Variants in SRRM4 observed in about 807,000 individuals in gnomAD.
The protein encoded by SRRM4 is serine/arginine repetitive matrix 4, also known as serine/arginine repetitive matrix protein 4.
Under a neutral mutation model 68.9 loss-of-function variants are expected in SRRM4, and 33 were observed. The ratio of observed to expected loss-of-function variants is 0.48; its 90% CI spans 0.36 to 0.64. The LOEUF is 0.64. Ranked by LOEUF, SRRM4 falls within the 30% of genes least tolerant of loss-of-function variation. The pLI is 0.00. For synonymous variants in SRRM4, 318 were observed against 318.8 expected, an observed-to-expected ratio of 1.00 and a Z score of 0.03; for missense variants, 817 against 827.1, an observed-to-expected ratio of 0.99 and a Z score of 0.15.
chr12:119,020,318 C>T (rs1404500380), intron 1 of SRRM4, among the ~76,000 whole-genome samples: 1 of 152,100 alleles, frequency 6.6e-6, no homozygotes, highest in Admixed American at 6.5e-5. Flanking sequence ...ACCCAACATA[C>T]ACAGACCCTC....
rs750188540 is a variant in SRRM4, at chr12:119,156,636, C to T, written c.1674C>T (p.Ser558=). ...CCCGGAGCCGGAGTCGGAGCCGGAG[C>T]CGGAGACGGAGCCGGACCCGCACGA... The part of the protein sequence containing the change: ...SYSRSRSRSR[S]RRRSRTRTSS... Residue 558 remains serine, a synonymous_variant, in exon 13 of 13, where the codon AGC becomes AGT. Transcript: ENST00000267260. 6.3e-7 allele frequency: 1 copy of T among 1,597,640 alleles called. No individual in the cohort carries two copies. The highest frequency in any genetic ancestry group is 8.5e-7 in the Non-Finnish European group (1 of 1,173,722).
At chr12:119,101,706 G>T (rs73213726) in intron 1 of SRRM4, among the ~76,000 whole-genome samples, 12,286 of 152,038 alleles carry the variant, frequency 0.081, 554 homozygotes, top group African/African-American at 0.11. Context: ...TCTACATATA[G>T]GTAGTCCATA....
At chr12:119,102,502 A>G (rs1476805245) in intron 2 of SRRM4, 120 bp downstream of exon 2, 2 of 763,844 alleles carry the variant, frequency 2.6e-6, no homozygotes, top group Admixed American at 6.0e-5. Context: ...AGGGTTAGTA[A>G]ATATTTACCG....
At chr12:119,127,726 C>T (rs1954270308) in intron 7 of SRRM4, among the ~76,000 whole-genome samples, 1 of 61,594 alleles carries the variant, frequency 1.6e-5, no homozygotes. Flanking sequence ...GAAAGTCTGT[C>T]TCAAAAAAAA....
At chr12:119,107,618 A>G (rs1474763754) in intron 2 of SRRM4, among the ~76,000 whole-genome samples, 1 of 152,154 alleles carries the variant, frequency 6.6e-6, no homozygotes, top group Non-Finnish European at 1.5e-5. Flanking sequence ...GAGTGTTTAT[A>G]GTATTCTCTG....
intron 4 of SRRM4, among the ~76,000 whole-genome samples, chr12:119,118,139 T>C (rs1954193200): frequency 1.3e-5 from 2 of 152,208 alleles, no homozygotes; most frequent in African/African-American, 2.4e-5. Context: ...AGTGCTCCAG[T>C]TGGCCTTAGG....
intron 1 of SRRM4, among the ~76,000 whole-genome samples, chr12:119,077,533 T>G (rs1953923839): frequency 6.6e-6 from 1 of 152,200 alleles, no homozygotes; most frequent in South Asian, 2.1e-4. Context: ...CATATTAGCT[T>G]AGCACAGTGC....
At chr12:118,984,864 C>T (rs1953272454) in intron 1 of SRRM4, among the ~76,000 whole-genome samples, 1 of 152,174 alleles carries the variant, frequency 6.6e-6, no homozygotes, top group Admixed American at 6.5e-5. Flanking sequence ...ATGAGACAAC[C>T]TGGATTCCTG....
chr12:119,122,310 G>GGAA (rs1954226592), intron 6 of SRRM4, among the ~76,000 whole-genome samples, 190 bp downstream of exon 6: 1 of 149,408 alleles, frequency 6.7e-6, no homozygotes, highest in Non-Finnish European at 1.5e-5. Flanking sequence ...AAGGAAGGAA[G>GGAA]GAAGGAAGGA....
chr12:119,027,660 G>A (rs1013195549), intron 1 of SRRM4, among the ~76,000 whole-genome samples: 24 of 152,038 alleles, frequency 1.6e-4, no homozygotes, highest in African/African-American at 5.6e-4. Context: ...AACCTGGGGG[G>A]GCACTTATTA....
chr12:119,009,212 A>G (rs1953434132), intron 1 of SRRM4, among the ~76,000 whole-genome samples: 1 of 152,108 alleles, frequency 6.6e-6, no homozygotes, highest in Non-Finnish European at 1.5e-5. Context: ...GGGAACTTTA[A>G]TTATCCCACC....
At chr12:119,144,385 G>A (rs958429012) in intron 8 of SRRM4, among the ~76,000 whole-genome samples, 7 of 152,104 alleles carry the variant, frequency 4.6e-5, no homozygotes, top group African/African-American at 9.7e-5. Context: ...GCCCCCACCC[G>A]TCAAGGGCAC....
intron 7 of SRRM4, among the ~76,000 whole-genome samples, chr12:119,126,061 T>C (rs1410198516): frequency 7.2e-5 from 8 of 110,462 alleles, no homozygotes; most frequent in Admixed American, 1.2e-4. Context: ...TCTCACCCTA[T>C]AGCCCAGTCT....
chr12:119,057,925 G>A (rs1384109512), intron 1 of SRRM4, among the ~76,000 whole-genome samples: 1 of 152,086 alleles, frequency 6.6e-6, no homozygotes, highest in Non-Finnish European at 1.5e-5. Flanking sequence ...GCTGCTTTCA[G>A]AACAAAGGCA....
At chr12:119,122,653 G>A (rs1338349533) in intron 6 of SRRM4, among the ~76,000 whole-genome samples, 2 of 152,202 alleles carry the variant, frequency 1.3e-5, no homozygotes, top group African/African-American at 4.8e-5. Flanking sequence ...GCATTTGTGT[G>A]TCTGTGCTTG....
chr12:119,073,566 C>G (rs2136027328), intron 1 of SRRM4, among the ~76,000 whole-genome samples: 1 of 152,264 alleles, frequency 6.6e-6, no homozygotes, highest in Non-Finnish European at 1.5e-5. Flanking sequence ...TTCAAGTGAT[C>G]TACCCACCTC....
Position 119,125,434 on chromosome 12 carries a change from C to A in SRRM4, c.569C>A (p.Ser190Ter), listed in dbSNP as rs752506909. 6.2e-7 allele frequency: 1 copy of A among 1,613,616 alleles called. No individual in the cohort carries two copies. The highest frequency in any genetic ancestry group is 8.5e-7 in the Non-Finnish European group (1 of 1,179,750). The change falls in exon 7 of 13, where the codon TCG (serine) becomes TAG (stop). Residue 190 changes from serine to a stop codon, truncating the protein, a stop_gained. Coordinates refer to ENST00000267260, the MANE Select transcript of SRRM4 (RefSeq NM_194286.4). LOFTEE classifies it high-confidence loss of function. ...CGCCACCGCCATCACCGCTGCCCCT[C>A]GCGGTCCCAGAGCTCGGAGTCCCGC... ...SHRHRHHRCP[S>*]RSQSSESRPS...
chr12:119,020,996 T>G (rs1306872957), intron 1 of SRRM4, among the ~76,000 whole-genome samples: 3 of 152,126 alleles, frequency 2.0e-5, no homozygotes, highest in African/African-American at 7.2e-5. Flanking sequence ...GGAGGCGCTG[T>G]GTTCTGCTGG....
intron 1 of SRRM4, among the ~76,000 whole-genome samples, chr12:119,043,527 T>C (rs972302954): frequency 5.3e-5 from 8 of 152,060 alleles, no homozygotes; most frequent in Non-Finnish European, 1.0e-4. Context: ...ATCCTGCACA[T>C]GTATCCCAGA....
Sources: gnomAD v4.1 joint callset for allele counts (sites outside exome capture counted in the v4.1 genomes callset) on GRCh38, gnomAD v4.1.1 for gene constraint, MANE v1.5 for transcripts, NCBI Gene and HGNC (gene_info 2026-07-23, HGNC 2026-07-21) for gene names.